Variants in FTCDNL1 observed in about 807,000 individuals in gnomAD.
FTCDNL1 encodes the protein formiminotransferase cyclodeaminase N-terminal like, also known as formiminotransferase N-terminal subdomain-containing protein.
Under a neutral mutation model 5.9 loss-of-function variants are expected in FTCDNL1, and 11 were observed. The ratio of observed to expected loss-of-function variants is 1.87; its 90% CI spans 1.18 to 3.10. FTCDNL1 has a LOEUF of 3.10. Ranked by LOEUF, FTCDNL1 falls within the 30% of genes most tolerant of loss-of-function variation. FTCDNL1 has a pLI of 0.00. For missense variants in FTCDNL1, 115 were observed against 65.5 expected (o/e 1.76, Z -2.61); for synonymous variants, 58 against 24.8 (o/e 2.34, Z -3.99).
chr2:199,720,402 T>C, the FTCDNL1 span, among the ~76,000 whole-genome samples: 4 of 152,190 alleles, frequency 2.6e-5, no homozygotes, highest in African/African-American at 9.6e-5. Context: ...ATTAGTTTCC[T>C]AGGGCTGCCA....
At chr2:199,682,114 C>G in the FTCDNL1 span, among the ~76,000 whole-genome samples, 23 of 152,216 alleles carry the variant, frequency 1.5e-4, no homozygotes, top group African/African-American at 5.1e-4. Flanking sequence ...CTGGATGTTT[C>G]TGTGAGGTTA....
rs1701002596 is a variant in FTCDNL1 at position 199,810,970 on chromosome 2, C to A, written c.*1735G>T. Among the ~76,000 whole-genome samples the A allele has an allele frequency of 6.6e-6, 1 of 152,110 alleles. No individual in the cohort carries two copies. The highest frequency in any genetic ancestry group is 2.4e-5 in the African/African-American group (1 of 41,426). On this transcript the variant is annotated 3_prime_UTR_variant, in exon 5 of 5. Transcript: ENST00000420128. ...GGGGCTTTGTTGCCTAGCCTGGCTACTCTCATACTAATAGATGTTTTACAG... is the reference window on the plus strand; with the variant it reads ...GGGGCTTTGTTGCCTAGCCTGGCTAATCTCATACTAATAGATGTTTTACAG...
At chr2:199,768,113 AG>A (rs1162988975) in intron 3 of FTCDNL1, among the ~76,000 whole-genome samples, 3 of 152,346 alleles carry the variant, frequency 2.0e-5, no homozygotes, top group South Asian at 4.1e-4. Flanking sequence ...CATATTCTCG[AG>A]AAAGTATAGA....
the FTCDNL1 span, among the ~76,000 whole-genome samples, chr2:199,713,898 G>A: frequency 6.6e-6 from 1 of 152,114 alleles, no homozygotes; most frequent in Non-Finnish European, 1.5e-5. Flanking sequence ...TGACATCGAA[G>A]TCTCACTTAT....
chr2:199,737,532 T>C, the FTCDNL1 span, among the ~76,000 whole-genome samples: 1 of 152,226 alleles, frequency 6.6e-6, no homozygotes, highest in African/African-American at 2.4e-5. Flanking sequence ...CCTGGAATTA[T>C]CCTTTTGAAA....
the FTCDNL1 span, among the ~76,000 whole-genome samples, chr2:199,725,386 T>C: frequency 2.0e-5 from 3 of 152,196 alleles, no homozygotes; most frequent in Non-Finnish European, 4.4e-5. Flanking sequence ...CTCATTTACA[T>C]TGAAGGTTAA....
At chr2:199,844,819 AT>A (rs2076685862) in intron 3 of FTCDNL1, among the ~76,000 whole-genome samples, 1 of 151,874 alleles carries the variant, frequency 6.6e-6, no homozygotes, top group Non-Finnish European at 1.5e-5. Flanking sequence ...TTTACTTTAA[AT>A]TTTTTCAATT....
At chr2:199,790,295 C>T (rs992325482) in intron 3 of FTCDNL1, among the ~76,000 whole-genome samples, 4 of 151,986 alleles carry the variant, frequency 2.6e-5, no homozygotes, top group African/African-American at 7.2e-5. Flanking sequence ...GTTGGGAGTT[C>T]GAGACCAGCC....
Position 199,794,293 on chromosome 2 carries a change from T to C in FTCDNL1, c.212-33458A>G, listed in dbSNP as rs533443772. Among the ~76,000 whole-genome samples the C allele has an allele frequency of 1.5e-4, 23 of 152,330 alleles. 1 individual carries two copies. The highest frequency in any genetic ancestry group is 5.3e-4 in the African/African-American group (22 of 41,578). ...CAATATTTGCATAGAAGAACCAGCATTCCTACACAAAAGTTTAAAAATATA... is the reference window on the plus strand; with the variant it reads ...CAATATTTGCATAGAAGAACCAGCACTCCTACACAAAAGTTTAAAAATATA... On this transcript the variant is annotated intron_variant, in intron 3 of 3. Coordinates refer to the FTCDNL1 transcript ENST00000416668.
the FTCDNL1 span, among the ~76,000 whole-genome samples, chr2:199,729,031 T>A: frequency 6.6e-6 from 1 of 152,202 alleles, no homozygotes; most frequent in South Asian, 2.1e-4. Context: ...TATACAATAC[T>A]AAGTGCTGAG....
At chr2:199,767,381 C>T (rs995647566) in intron 3 of FTCDNL1, among the ~76,000 whole-genome samples, 1 of 152,166 alleles carries the variant, frequency 6.6e-6, no homozygotes, top group Non-Finnish European at 1.5e-5. Flanking sequence ...TGAATCCCTC[C>T]AGTTATCATC....
chr2:199,822,544 G>A (rs1215151247), intron 3 of FTCDNL1, among the ~76,000 whole-genome samples: 2 of 152,192 alleles, frequency 1.3e-5, no homozygotes, highest in African/African-American at 4.8e-5. Context: ...GAGTGGCTGT[G>A]GTAATTTGTT....
chr2:199,768,984 C>G (rs1370760308), intron 3 of FTCDNL1, among the ~76,000 whole-genome samples: 1 of 152,150 alleles, frequency 6.6e-6, no homozygotes, highest in African/African-American at 2.4e-5. Flanking sequence ...CACACTCCTG[C>G]AGCAATCTAA....
the FTCDNL1 span, among the ~76,000 whole-genome samples, chr2:199,754,113 C>G: frequency 1.3e-5 from 2 of 152,176 alleles, no homozygotes; most frequent in Non-Finnish European, 2.9e-5. Flanking sequence ...GCAGCAGAGA[C>G]AGCAGAAGTG....
chr2:199,735,115 GAAA>G, the FTCDNL1 span, among the ~76,000 whole-genome samples: 11 of 81,600 alleles, frequency 1.3e-4, no homozygotes, highest in African/African-American at 3.8e-4. Context: ...ACTACCTTTA[GAAA>G]AAAAAAAAAA....
intron 3 of FTCDNL1, among the ~76,000 whole-genome samples, chr2:199,824,503 A>G (rs1332849258): frequency 6.6e-6 from 1 of 152,138 alleles, no homozygotes; most frequent in Non-Finnish European, 1.5e-5. Flanking sequence ...TGCATTCACA[A>G]CTTGGCCAGC....
At chr2:199,829,390 ATATC>A (rs1702229992) in intron 3 of FTCDNL1, among the ~76,000 whole-genome samples, 1 of 152,168 alleles carries the variant, frequency 6.6e-6, no homozygotes, top group South Asian at 2.1e-4. Context: ...CTAAATATGA[ATATC>A]TAGCACTTTC....
chr2:199,825,772 T>C (rs147592451), intron 3 of FTCDNL1, among the ~76,000 whole-genome samples: 1 of 152,270 alleles, frequency 6.6e-6, no homozygotes, highest in East Asian at 1.9e-4. Context: ...TGCAGAACCA[T>C]GAGCCAAATA....
At chr2:199,690,097 A>T in the FTCDNL1 span, among the ~76,000 whole-genome samples, 4 of 152,338 alleles carry the variant, frequency 2.6e-5, no homozygotes, top group South Asian at 8.3e-4. Context: ...TTCTAAATAC[A>T]TATATGTGCA....
Sources: gnomAD v4.1 joint callset for allele counts (sites outside exome capture counted in the v4.1 genomes callset) on GRCh38, gnomAD v4.1.1 for gene constraint, MANE v1.5 for transcripts, NCBI Gene and HGNC (gene_info 2026-07-23, HGNC 2026-07-21) for gene names.